The following GATAD2A variants were observed in gnomAD, a reference collection of about 807,000 sequenced individuals.
GATAD2A encodes the protein GATA zinc finger domain containing 2A.
In GATAD2A, 12 loss-of-function variants were observed where a neutral mutation model predicts 68.5. The ratio of observed to expected loss-of-function variants is 0.18; its 90% CI spans 0.11 to 0.28. The LOEUF is 0.28. Among genes scored for constraint, GATAD2A ranks in the 10% least tolerant of loss-of-function variants. GATAD2A has a pLI of 1.00. For missense variants in GATAD2A, 755 were observed against 868.5 expected, an observed-to-expected ratio of 0.87 and a Z score of 1.64; for synonymous variants, 410 against 375.3, an observed-to-expected ratio of 1.09 and a Z score of -1.07.
chr19:19,495,678 C>A, intron 5 of GATAD2A, 76 bp from the exon 6 acceptor site: 9 of 1,116,650 alleles, frequency 8.1e-6, no homozygotes, highest in South Asian at 3.4e-5. Context: ...TTCATAAAAG[C>A]AGCAAAACTG....
intron 8 of GATAD2A, among the ~76,000 whole-genome samples, chr19:19,500,364 G>A (rs570725870): frequency 1.3e-5 from 2 of 152,236 alleles, no homozygotes; most frequent in African/African-American, 2.4e-5. Flanking sequence ...CGAGAGTCTC[G>A]CCACATCCAT....
At chr19:19,499,184 G>A (rs913928235) in intron 8 of GATAD2A, among the ~76,000 whole-genome samples, 1 of 152,174 alleles carries the variant, frequency 6.6e-6, no homozygotes. Flanking sequence ...CAGGCAGCGT[G>A]GGAGTGCACT....
At chr19:19,471,414 G>T (rs1034969402) in intron 2 of GATAD2A, among the ~76,000 whole-genome samples, 2 of 152,070 alleles carry the variant, frequency 1.3e-5, no homozygotes, top group African/African-American at 4.8e-5. Context: ...TACAGCAGAT[G>T]CAGGGACTAC....
At chr19:19,458,217 C>T (rs1204008999) in intron 1 of GATAD2A, among the ~76,000 whole-genome samples, 1 of 152,224 alleles carries the variant, frequency 6.6e-6, no homozygotes, top group African/African-American at 2.4e-5. Context: ...CTCACCACGG[C>T]TTTCCCTTCC....
intron 2 of GATAD2A, among the ~76,000 whole-genome samples, chr19:19,487,553 GC>G (rs2059524358): frequency 6.6e-6 from 1 of 152,070 alleles, no homozygotes; most frequent in African/African-American, 2.4e-5. Flanking sequence ...CCACCAGCCA[GC>G]CCTTCTTGGG....
At chr19:19,461,940 C>T (rs1236980664) in intron 1 of GATAD2A, among the ~76,000 whole-genome samples, 4 of 151,908 alleles carry the variant, frequency 2.6e-5, no homozygotes, top group East Asian at 1.9e-4. Context: ...GCCCCCAGGA[C>T]GGGGCTACTC....
chr19:19,504,891 C>T (rs967300306), intron 11 of GATAD2A, among the ~76,000 whole-genome samples: 5 of 152,100 alleles, frequency 3.3e-5, no homozygotes, highest in Non-Finnish European at 5.9e-5. Context: ...AGTCTTCCCA[C>T]CCCCCAGCCT....
At chr19:19,439,765 T>G (rs565218763) in intron 1 of GATAD2A, among the ~76,000 whole-genome samples, 1 of 152,034 alleles carries the variant, frequency 6.6e-6, no homozygotes, top group African/African-American at 2.4e-5. Context: ...GGAGAATCGC[T>G]TGAACCCAGG....
At chr19:19,388,681 T>C (rs1297558140) in intron 1 of GATAD2A, among the ~76,000 whole-genome samples, 1 of 151,940 alleles carries the variant, frequency 6.6e-6, no homozygotes, top group Non-Finnish European at 1.5e-5. Flanking sequence ...GGAGAAACAT[T>C]GTATCCCCAT....
chr19:19,472,589 C>T (rs1299076294), intron 2 of GATAD2A: 1 of 151,458 alleles, frequency 6.6e-6, no homozygotes, highest in African/African-American at 2.4e-5. Flanking sequence ...CCACCTCAAC[C>T]TCCGAAAGTG....
intron 1 of GATAD2A, among the ~76,000 whole-genome samples, chr19:19,432,020 G>A (rs2053806788): frequency 1.3e-5 from 2 of 152,240 alleles, no homozygotes; most frequent in South Asian, 4.1e-4. Flanking sequence ...TTGTTGCTGA[G>A]GCTGGAGCGC....
chr19:19,475,490 C>T lies in GATAD2A; in HGVS notation c.269+9876C>T, dbSNP rs7250106. 1.7e-3 allele frequency among the ~76,000 whole-genome samples: 261 copies of T among 151,552 alleles called. 1 individual carries two copies. The highest frequency in any genetic ancestry group is 2.6e-3 in the Non-Finnish European group (178 of 67,818). ...GTGGGCGGCTCTCTGGAGCCCCCCC[C>T]CCTCCACTGCCCCAGCCCCTCCCCA... On this transcript the variant is annotated intron_variant, in intron 2 of 11. Coordinates refer to ENST00000683918, the MANE Select transcript of GATAD2A (RefSeq NM_001384528.1).
chr19:19,489,091 T>C (rs181249095), intron 2 of GATAD2A, among the ~76,000 whole-genome samples: 10 of 152,360 alleles, frequency 6.6e-5, no homozygotes, highest in Admixed American at 6.5e-4. Context: ...TTTTAGAAAG[T>C]ACTGAGACTC....
chr19:19,459,875 G>A (rs1391045913), intron 1 of GATAD2A, among the ~76,000 whole-genome samples: 1 of 152,236 alleles, frequency 6.6e-6, no homozygotes, highest in Non-Finnish European at 1.5e-5. Flanking sequence ...CTCAAGTTAA[G>A]TTGTATCTCT....
intron 2 of GATAD2A, among the ~76,000 whole-genome samples, chr19:19,488,614 C>T (rs1817498314): frequency 6.6e-6 from 1 of 152,226 alleles, no homozygotes; most frequent in African/African-American, 2.4e-5. Context: ...CCGGCCTCTC[C>T]TCCAGGAAAT....
intron 2 of GATAD2A, among the ~76,000 whole-genome samples, chr19:19,474,995 G>C (rs2058573194): frequency 6.6e-6 from 1 of 152,238 alleles, no homozygotes; most frequent in Non-Finnish European, 1.5e-5. Flanking sequence ...CCTTGTGCTA[G>C]TCAGTCACAT....
chr19:19,443,755 T>C (rs141185496), intron 1 of GATAD2A, among the ~76,000 whole-genome samples: 20 of 152,106 alleles, frequency 1.3e-4, no homozygotes, highest in South Asian at 8.3e-4. Flanking sequence ...GCCCAGGTCT[T>C]TTCTCAGGGA....
chr19:19,458,381 T>A (rs1214082678), intron 1 of GATAD2A: 1 of 152,254 alleles, frequency 6.6e-6, no homozygotes, highest in East Asian at 1.9e-4. Context: ...ACTTTACTTG[T>A]TTGCTCCTCT....
chr19:19,398,676 GCCTGTAAT>G (rs2049455651), intron 1 of GATAD2A, among the ~76,000 whole-genome samples: 1 of 151,898 alleles, frequency 6.6e-6, no homozygotes, highest in African/African-American at 2.4e-5. Context: ...GGTGGCTCAC[GCCTGTAAT>G]CCCAACATTT....
Sources: allele counts gnomAD v4.1 joint callset (sites outside exome capture counted in the v4.1 genomes callset), GRCh38; gene constraint gnomAD v4.1.1; transcripts MANE v1.5; gene names NCBI Gene and HGNC (gene_info 2026-07-23, HGNC 2026-07-21).